Variants in SLC2A10 observed in about 807,000 individuals in gnomAD.
SLC2A10 encodes solute carrier family 2 member 10, also known as solute carrier family 2, facilitated glucose transporter member 10.
A neutral mutation model predicts 32.1 loss-of-function variants in SLC2A10; 25 were observed. The observed-to-expected ratio is 0.78, with a 90% CI of 0.57 to 1.09. The LOEUF (loss-of-function observed/expected upper bound fraction) is 1.09. Ranked by LOEUF, SLC2A10 falls within the 50% of genes least tolerant of loss-of-function variation. The pLI is 0.00. For missense variants in SLC2A10, 673 were observed against 686.5 expected (o/e 0.98, Z 0.22); for synonymous variants, 332 against 309.6 (o/e 1.07, Z -0.76).
chr20:46,726,971 T>G lies in SLC2A10; in HGVS notation c.1396T>G (p.Phe466Val), dbSNP rs1203158041. The G allele has an allele frequency of 6.2e-7, 1 of 1,614,126 alleles. No individual in the cohort carries two copies. Among genetic ancestry groups the G allele is most frequent in the East Asian group, 2.2e-5 (1 of 44,904 alleles). ...WAANLFISLSFLDLIGTIGLS... is the reference protein window; with the variant it reads ...WAANLFISLSVLDLIGTIGLS... ...GGCCAACCTCTTCATCAGCCTCTCC[T>G]TCCTCGATCTCATTGGTGAGTCCTT... Residue 466 changes from phenylalanine (F) to valine (V), a missense_variant, in exon 3 of 5, where the codon TTC (phenylalanine) becomes GTC (valine). Transcript: ENST00000359271.
At chr20:46,712,959 A>C (rs8114951) in intron 1 of SLC2A10, among the ~76,000 whole-genome samples, 21,528 of 151,832 alleles carry the variant, frequency 0.14, 2,086 homozygotes, top group East Asian at 0.33. Context: ...CCAGCCTAAG[A>C]CATCTTAATT....
At chr20:46,730,059 T>A (rs1300826806) in intron 4 of SLC2A10, among the ~76,000 whole-genome samples, 1 of 152,214 alleles carries the variant, frequency 6.6e-6, no homozygotes, top group Non-Finnish European at 1.5e-5. Context: ...GATTATGGAA[T>A]CACAGGAGGC....
At position 46,725,028 on chromosome 20, in the gene SLC2A10, T is replaced by C; in HGVS notation, c.5-13T>C. 8.1e-6 allele frequency: 13 copies of C among 1,614,214 alleles called. No individual in the cohort carries two copies. The highest frequency in any genetic ancestry group is 1.1e-5 in the Non-Finnish European group (13 of 1,180,030). ...ACCATTCTAACTCTGTCCCTCTCAC[T>C]TTTGTTTTTTAGGCCACTCCCCACC... On this transcript the variant is annotated splice_polypyrimidine_tract_variant and intron_variant, in intron 1 of 4. Transcript: ENST00000359271.
At chr20:46,715,440 C>A (rs1198571926) in intron 1 of SLC2A10, among the ~76,000 whole-genome samples, 7 of 152,118 alleles carry the variant, frequency 4.6e-5, no homozygotes, top group Admixed American at 4.6e-4. Flanking sequence ...CCTGGAAGGA[C>A]CTTGCTTTCT....
At chr20:46,727,413 C>T (rs535201027) in intron 3 of SLC2A10, among the ~76,000 whole-genome samples, 4 of 152,254 alleles carry the variant, frequency 2.6e-5, no homozygotes, top group East Asian at 1.9e-4. Context: ...CTCCACCTCC[C>T]GGGTTCAAAC....
rs992682372 is a variant in SLC2A10, at chr20:46,735,802, T to C, written c.*1968T>C. The C allele has an allele frequency of 1.3e-5, 2 of 152,254 alleles. No individual in the cohort carries two copies. The highest frequency in any genetic ancestry group is 4.8e-5 in the African/African-American group (2 of 41,468). 9.4% of individuals were successfully genotyped at this position (152,254 alleles called of 1,614,324 possible). On this transcript the variant is annotated 3_prime_UTR_variant, in exon 5 of 5. Transcript: ENST00000359271. Reference sequence around the variant, plus strand: ...ATACATGGTGTATAGCACCAAAAAATGGAGGGATTATTCTTCCAGTAGTTG... The same window carrying C: ...ATACATGGTGTATAGCACCAAAAAACGGAGGGATTATTCTTCCAGTAGTTG...
Position 46,726,918 on chromosome 20 carries a change from T to G in SLC2A10, c.1343T>G (p.Phe448Cys). ...CCTGTGGAGATACGAGGAAGAGCCT[T>G]CGCCTTCTGCAACAGCTTCAACTGG... ...IYPVEIRGRA[F>C]AFCNSFNWAA... The change falls in exon 3 of 5, where the codon TTC (phenylalanine) becomes TGC (cysteine). Residue 448 changes from phenylalanine (F) to cysteine (C), a missense_variant. Physicochemically the swap from Phe to Cys is radical, Grantham distance 205. Coordinates refer to ENST00000359271, the MANE Select transcript of SLC2A10 (RefSeq NM_030777.4). 1 of 1,614,196 alleles carries G rather than the reference T, an allele frequency of 6.2e-7. No individual in the cohort carries two copies. Among genetic ancestry groups the G allele is most frequent in the Non-Finnish European group, 8.5e-7 (1 of 1,180,024 alleles).
intron 4 of SLC2A10, 29 bp downstream of exon 4, chr20:46,729,517 G>T (rs753639386): frequency 1.2e-6 from 2 of 1,613,140 alleles, no homozygotes; most frequent in South Asian, 2.2e-5. Context: ...GGGTCTGGGG[G>T]AAGAGCTGTA....
At chr20:46,709,448 A>C, upstream of SLC2A10, 1 of 434,104 alleles carries the variant, frequency 2.3e-6, no homozygotes, top group Non-Finnish European at 4.0e-6. Flanking sequence ...GGGACCCGGG[A>C]GATGGCGGGT....
rs766454875 is a variant in SLC2A10 at position 46,725,966 on chromosome 20, C to T, written c.930C>T (p.Ser310=). The T allele has an allele frequency of 7.4e-6, 12 of 1,613,698 alleles. No individual in the cohort carries two copies. The Admixed American group carries it at 8.3e-5, about 11-fold the overall frequency. The part of the protein sequence containing the change: ...LLAGCALMAL[S]VSGIGLVSFA... ...CTGGCTGTGCCCTCATGGCCCTGTC[C>T]GTCAGTGGCATAGGCCTCGTCAGCT... is the stretch of plus-strand genomic sequence containing the variant. The change falls in exon 2 of 5, where the codon TCC becomes TCT. Residue 310 remains serine, a synonymous_variant. Transcript: ENST00000359271.
At chr20:46,733,674 G>T in intron 4 of SLC2A10, 82 bp from the exon 5 acceptor site, 1 of 1,074,902 alleles carries the variant, frequency 9.3e-7, no homozygotes, top group Non-Finnish European at 1.4e-6. Context: ...TTGGGTGGTG[G>T]GAACCCCAGT....
chr20:46,732,660 C>A (rs564585045), intron 4 of SLC2A10, among the ~76,000 whole-genome samples: 2 of 151,762 alleles, frequency 1.3e-5, no homozygotes, highest in Admixed American at 6.6e-5. Flanking sequence ...TCAACAAGCA[C>A]GGTGATATTT....
chr20:46,709,652 C>G lies in SLC2A10; in HGVS notation c.-85C>G. 2.1e-5 allele frequency: 32 copies of G among 1,494,068 alleles called. No individual in the cohort carries two copies. Among genetic ancestry groups the G allele is most frequent in the Non-Finnish European group, 2.9e-5 (32 of 1,115,762 alleles). The allele number at this position is 1,494,068 out of a possible 1,614,324, so 92.6% of individuals were successfully genotyped here. A position where few individuals can be genotyped will look rare whatever the true frequency, so the allele number is the denominator to read the frequency against. On this transcript the variant is annotated 5_prime_UTR_variant, in exon 1 of 5. Coordinates refer to ENST00000359271, the MANE Select transcript of SLC2A10 (RefSeq NM_030777.4). ...GCGGGGGCGGGCCGGAAAGTTTGTC[C>G]GGCGGCAGCGGCGTTGGGGACTCCG...
intron 4 of SLC2A10, among the ~76,000 whole-genome samples, chr20:46,733,238 C>T (rs1038369556): frequency 3.9e-5 from 6 of 152,058 alleles, no homozygotes; most frequent in East Asian, 1.9e-4. Context: ...TGGCGGAAGG[C>T]GAAGGGCAGC....
rs539149390 is a variant in SLC2A10, at chr20:46,734,631, C to T, written c.*797C>T. ...GAATATTTATCCTTCACCAGCAACT[C>T]TGACTCTTTGACGGGAGGCCTCAGT... is the stretch of plus-strand genomic sequence containing the variant. On this transcript the variant is annotated 3_prime_UTR_variant, in exon 5 of 5. Transcript: ENST00000359271. 7.9e-5 allele frequency: 12 copies of T among 152,372 alleles called. No homozygotes were observed. In the East Asian group the frequency reaches 2.3e-3, roughly 29 times the overall value. The allele number at this position is 152,372 out of a possible 1,614,324, so 9.4% of individuals were successfully genotyped here. A position where few individuals can be genotyped will look rare whatever the true frequency, so the allele number is the denominator to read the frequency against.
chr20:46,715,488 G>C (rs1206042897), intron 1 of SLC2A10, among the ~76,000 whole-genome samples: 1 of 152,196 alleles, frequency 6.6e-6, no homozygotes, highest in African/African-American at 2.4e-5. Context: ...AGGGGCAAAG[G>C]GGGGCGAAGA....
chr20:46,727,481 C>T (rs1355269168), intron 3 of SLC2A10, among the ~76,000 whole-genome samples: 4 of 152,002 alleles, frequency 2.6e-5, no homozygotes, highest in South Asian at 2.1e-4. Flanking sequence ...CCACCACGCC[C>T]GGCTAATTTT....
At chr20:46,721,087 T>G (rs952858909) in intron 1 of SLC2A10, among the ~76,000 whole-genome samples, 1 of 151,992 alleles carries the variant, frequency 6.6e-6, no homozygotes, top group Non-Finnish European at 1.5e-5. Context: ...GGCTTGGGGC[T>G]CCCCAAAAAA....
rs755925085 is a variant in SLC2A10 at position 46,725,520 on chromosome 20, T to C, written c.484T>C (p.Trp162Arg). 6.8e-6 allele frequency: 11 copies of C among 1,614,042 alleles called. No homozygotes were observed. The highest frequency in any genetic ancestry group is 1.7e-5 in the Admixed American group (1 of 60,008). Residue 162 changes from tryptophan (W) to arginine (R), a missense_variant, in exon 2 of 5, where the codon TGG becomes CGG. By Grantham distance (101) the Trp-to-Arg change is moderately radical (BLOSUM62 -3). Coordinates refer to ENST00000359271, the MANE Select transcript of SLC2A10 (RefSeq NM_030777.4). ...CAACTATGCACTGGCTGGTACCCCC[T>C]GGGGATGGAGGCACATGTTCGGCTG... Reference protein sequence around the residue: ...ALNYALAGTPWGWRHMFGWAT... With the variant: ...ALNYALAGTPRGWRHMFGWAT...
Sources: gnomAD v4.1 joint callset for allele counts (sites outside exome capture counted in the v4.1 genomes callset) on GRCh38, gnomAD v4.1.1 for gene constraint, MANE v1.5 for transcripts, NCBI Gene and HGNC (gene_info 2026-07-23, HGNC 2026-07-21) for gene names.